ADCY2: variants seen among roughly 807,000 people sequenced by gnomAD.
ADCY2 encodes the protein adenylate cyclase 2, also known as adenylate cyclase type 2.
Under a neutral mutation model 125.2 loss-of-function variants are expected in ADCY2, and 31 were observed. That is an observed-to-expected ratio of 0.25 (90% CI 0.19 to 0.33). The LOEUF is 0.33. Ranked by LOEUF, ADCY2 falls within the 10% of genes least tolerant of loss-of-function variation. The probability of loss-of-function intolerance (pLI) is 1.00; values close to 1 mark genes in which losing one functional copy is unlikely to be tolerated. For missense variants in ADCY2, 904 were observed against 1,418.2 expected, an observed-to-expected ratio of 0.64 and a Z score of 5.82; for synonymous variants, 512 against 548.4, an observed-to-expected ratio of 0.93 and a Z score of 0.93.
intron 1 of ADCY2, among the ~76,000 whole-genome samples, chr5:7,410,866 A>G (rs1163362035): frequency 1.3e-5 from 2 of 152,014 alleles, no homozygotes; most frequent in Non-Finnish European, 2.9e-5. Context: ...TTTGAAAACA[A>G]CTCAATCAGA....
intron 4 of ADCY2, among the ~76,000 whole-genome samples, chr5:7,659,622 C>T (rs1739457448): frequency 6.6e-6 from 1 of 152,128 alleles, no homozygotes; most frequent in South Asian, 2.1e-4. Context: ...CTTGTGGGAC[C>T]AGGAAATTGA....
intron 3 of ADCY2, among the ~76,000 whole-genome samples, chr5:7,528,921 A>G (rs1734556640): frequency 6.6e-6 from 1 of 152,236 alleles, no homozygotes; most frequent in Non-Finnish European, 1.5e-5. Context: ...GTGTAAGACA[A>G]TGAGAAAATC....
At chr5:7,743,904 A>G (rs1742520021) in intron 15 of ADCY2, 152 bp downstream of exon 15, 2 of 665,094 alleles carry the variant, frequency 3.0e-6, no homozygotes, top group Admixed American at 2.9e-5. Flanking sequence ...CTTCAGGTCT[A>G]TAACCAGGAA....
chr5:7,522,811 A>G (rs969925361), intron 3 of ADCY2, among the ~76,000 whole-genome samples: 4 of 149,688 alleles, frequency 2.7e-5, no homozygotes, highest in African/African-American at 5.0e-5. Flanking sequence ...CTGTAGTCCC[A>G]GCTACTCGGG....
At chr5:7,741,006 GAGA>G (rs889624436) in intron 14 of ADCY2, among the ~76,000 whole-genome samples, 7 of 152,120 alleles carry the variant, frequency 4.6e-5, no homozygotes, top group African/African-American at 1.7e-4. Context: ...CTTATTCCTT[GAGA>G]AGGTCAACAA....
At chr5:7,588,007 A>G (rs976214547) in intron 3 of ADCY2, among the ~76,000 whole-genome samples, 4 of 152,210 alleles carry the variant, frequency 2.6e-5, no homozygotes, top group Non-Finnish European at 4.4e-5. Context: ...TTAGAGAGAC[A>G]GTATAAATTT....
At chr5:7,673,269 A>AAAAAAAATATATATATATATATAT (rs1554030659) in intron 4 of ADCY2, among the ~76,000 whole-genome samples, 2 of 3,932 alleles carry the variant, frequency 5.1e-4, no homozygotes, top group Admixed American at 6.1e-3. Context: ...AAAAAAAAAA[A>AAAAAAAATATATATATATATATAT]ATATATATAT....
At chr5:7,658,945 A>G (rs1348898462) in intron 4 of ADCY2, among the ~76,000 whole-genome samples, 2 of 152,196 alleles carry the variant, frequency 1.3e-5, no homozygotes, top group Non-Finnish European at 2.9e-5. Context: ...TGCTCATTTC[A>G]TCCAAAAACA....
intron 2 of ADCY2, among the ~76,000 whole-genome samples, chr5:7,507,427 C>T (rs1412339613): frequency 4.4e-5 from 4 of 90,946 alleles, no homozygotes; most frequent in Admixed American, 1.3e-4. Flanking sequence ...GGCGACAGAG[C>T]GAGACTCCGT....
chr5:7,458,075 G>A (rs1741767016), intron 2 of ADCY2, among the ~76,000 whole-genome samples: 1 of 152,110 alleles, frequency 6.6e-6, no homozygotes, highest in Non-Finnish European at 1.5e-5. Context: ...GGTTTTACAT[G>A]TCCTCAGGGA....
chr5:7,629,122 T>G (rs1228010456), intron 4 of ADCY2, among the ~76,000 whole-genome samples: 1 of 152,240 alleles, frequency 6.6e-6, no homozygotes, highest in Admixed American at 6.5e-5. Context: ...TCAGTCATTG[T>G]TTAGATAAAT....
intron 3 of ADCY2, among the ~76,000 whole-genome samples, chr5:7,562,990 G>T (rs1383454644): frequency 6.6e-6 from 1 of 152,002 alleles, no homozygotes; most frequent in East Asian, 1.9e-4. Context: ...GGTTTAATCA[G>T]CTTATTTTGC....
At chr5:7,557,026 A>G (rs1246360889) in intron 3 of ADCY2, among the ~76,000 whole-genome samples, 1 of 152,062 alleles carries the variant, frequency 6.6e-6, no homozygotes, top group Non-Finnish European at 1.5e-5. Flanking sequence ...TTATTTGTGC[A>G]AAGATGCCAT....
chr5:7,414,362 ATCC>A (rs1330543383), intron 1 of ADCY2, among the ~76,000 whole-genome samples: 27 of 152,216 alleles, frequency 1.8e-4, no homozygotes, highest in African/African-American at 4.8e-4. Flanking sequence ...TATTTTAAAT[ATCC>A]AACATTGGAT....
chr5:7,507,179 CGCCT>C (rs916920223), intron 2 of ADCY2, among the ~76,000 whole-genome samples: 1 of 150,254 alleles, frequency 6.7e-6, no homozygotes, highest in African/African-American at 2.5e-5. Flanking sequence ...CGGTGGCTCA[CGCCT>C]GTAATCCCAG....
At chr5:7,777,032 A>T (rs747589939) in intron 18 of ADCY2, among the ~76,000 whole-genome samples, 18 of 149,008 alleles carry the variant, frequency 1.2e-4, no homozygotes, top group Non-Finnish European at 4.5e-5. Flanking sequence ...CTGGTGAGCC[A>T]ATTCTCGGTA....
chr5:7,501,855 C>T (rs966139722), intron 2 of ADCY2, among the ~76,000 whole-genome samples: 1 of 152,050 alleles, frequency 6.6e-6, no homozygotes, highest in Non-Finnish European at 1.5e-5. Flanking sequence ...TGCCCTCAGG[C>T]TAGGTCCACT....
chr5:7,706,783 C>G lies in ADCY2; in HGVS notation c.1149C>G (p.Arg383=), dbSNP rs189747945. Residue 383 remains arginine (R), a synonymous_variant, in exon 8 of 25, where the codon CGC becomes CGG. Transcript: ENST00000338316. ...RDATGVDINM[R]VGVHSGNVLC... ...CTACTGGAGTTGATATCAACATGCG[C>G]GTGGGCGTGCATTCTGGGAATGTCC... 40 of 1,614,030 alleles carry G rather than the reference C, an allele frequency of 2.5e-5. No homozygotes were observed. The highest frequency in any genetic ancestry group is 3.3e-5 in the Non-Finnish European group (39 of 1,180,042).
chr5:7,423,528 C>T (rs1007101648), intron 2 of ADCY2, among the ~76,000 whole-genome samples: 4 of 152,192 alleles, frequency 2.6e-5, no homozygotes, highest in Non-Finnish European at 5.9e-5. Flanking sequence ...CCCCTGCACA[C>T]ACTCTCTTGC....
Sources: gnomAD v4.1 joint callset for allele counts (sites outside exome capture counted in the v4.1 genomes callset) on GRCh38, gnomAD v4.1.1 for gene constraint, MANE v1.5 for transcripts, NCBI Gene and HGNC (gene_info 2026-07-23, HGNC 2026-07-21) for gene names.